Variants in BTBD9 observed in about 807,000 individuals in gnomAD.
The protein encoded by BTBD9 is BTB domain containing 9, also known as BTB/POZ domain-containing protein 9.
A neutral mutation model predicts 64.3 loss-of-function variants in BTBD9; 49 were observed. The observed-to-expected ratio is 0.76, with a 90% CI of 0.61 to 0.97. The LOEUF (loss-of-function observed/expected upper bound fraction) is 0.97. BTBD9 is among the 50% of genes least tolerant of loss of function. The pLI, the probability that BTBD9 is intolerant of heterozygous loss-of-function variation, is 0.00. For synonymous variants in BTBD9, 260 were observed against 274.7 expected, an observed-to-expected ratio of 0.95 and a Z score of 0.53; for missense variants, 598 against 762.1, an observed-to-expected ratio of 0.78 and a Z score of 2.53.
At chr6:38,222,201 A>T (rs1204310422) in intron 9 of BTBD9, among the ~76,000 whole-genome samples, 1 of 151,712 alleles carries the variant, frequency 6.6e-6, no homozygotes, top group Admixed American at 6.6e-5. Flanking sequence ...TCAAATATAA[A>T]AATCATATAG....
chr6:38,439,110 C>CTTTTTTTTTTT lies in BTBD9; in HGVS notation c.1155-94028_1155-94018dup, dbSNP rs35699356. Among the ~76,000 whole-genome samples, 52 of 64,050 alleles carry CTTTTTTTTTTT rather than the reference C, an allele frequency of 8.1e-4. 1 individual carries two copies. Among genetic ancestry groups the CTTTTTTTTTTT allele is most frequent in the African/African-American group, 2.7e-3 (39 of 14,584 alleles). 42.0% of individuals were successfully genotyped at this position (64,050 alleles called of 152,430 possible). Reference sequence around the variant, plus strand: ...TCTTGTAGGCTCGTGTAGCAACTGACTTTTTTTTTTTTTTTTTTTTTTTTG... The same window carrying CTTTTTTTTTTT: ...TCTTGTAGGCTCGTGTAGCAACTGACTTTTTTTTTTTTTTTTTTTTTTTTTTTTTTTTTTTG... On this transcript the variant is annotated intron_variant, in intron 6 of 10. Coordinates refer to ENST00000481247, the MANE Select transcript of BTBD9 (RefSeq NM_001099272.2).
Position 38,420,218 on chromosome 6 carries a change from T to C in BTBD9, c.1155-75125A>G, listed in dbSNP as rs1456967316. On this transcript the variant is annotated intron_variant, in intron 6 of 10. Transcript: ENST00000481247. ...TGCATCATTACTATGATGACTGATA[T>C]CCAGGAACTTATCTAACTCTCTGAA... is the stretch of plus-strand genomic sequence containing the variant. Among the ~76,000 whole-genome samples, 2 of 152,206 alleles carry C rather than the reference T, an allele frequency of 1.3e-5. 1 individual carries two copies. The highest frequency in any genetic ancestry group is 6.3e-3 in the Middle Eastern group (2 of 316).
At chr6:38,627,844 G>C (rs1192744782) in intron 1 of BTBD9, among the ~76,000 whole-genome samples, 1 of 152,124 alleles carries the variant, frequency 6.6e-6, no homozygotes. Context: ...TGCAGCATGA[G>C]TATTAGCAGG....
chr6:38,275,011 T>C lies in BTBD9; in HGVS notation c.1454+13261A>G, dbSNP rs1421998054. Among the ~76,000 whole-genome samples the C allele has an allele frequency of 2.6e-5, 4 of 152,122 alleles. No homozygotes were observed. In the East Asian group the frequency reaches 7.7e-4, roughly 29 times the overall value. On this transcript the variant is annotated intron_variant, in intron 8 of 10. Coordinates refer to ENST00000481247, the MANE Select transcript of BTBD9 (RefSeq NM_001099272.2). ...GGAAAAAACTACTTTAAAGTTCATA[T>C]GGAACCAAAAAAGAGCCCGCATCGC...
chr6:38,377,841 T>A (rs1417222071), intron 6 of BTBD9, among the ~76,000 whole-genome samples: 2 of 152,206 alleles, frequency 1.3e-5, no homozygotes, highest in Non-Finnish European at 2.9e-5. Flanking sequence ...ACAGGAATTG[T>A]TATATAATCA....
intron 6 of BTBD9, among the ~76,000 whole-genome samples, chr6:38,467,578 A>G (rs1238780994): frequency 6.6e-6 from 1 of 152,182 alleles, no homozygotes; most frequent in Non-Finnish European, 1.5e-5. Context: ...CTTGTACAGC[A>G]TCAACTGAGA....
intron 6 of BTBD9, among the ~76,000 whole-genome samples, chr6:38,530,410 C>A (rs111847605): frequency 1.3e-5 from 2 of 152,038 alleles, no homozygotes; most frequent in Admixed American, 6.5e-5. Context: ...TGTTCTTACA[C>A]CCCCTCCCCT....
rs1056262333 is a variant in BTBD9, at chr6:38,314,458, A to G, written c.1265-25997T>C. Among the ~76,000 whole-genome samples the G allele has an allele frequency of 5.9e-5, 9 of 152,146 alleles. No individual in the cohort carries two copies. In the South Asian group the frequency reaches 6.2e-4, roughly 10 times the overall value. On this transcript the variant is annotated intron_variant, in intron 7 of 10. Coordinates refer to ENST00000481247, the MANE Select transcript of BTBD9 (RefSeq NM_001099272.2). ...GTCTTTGTCTGGTTTTGATAACAGA[A>G]TAACACTGACCTTGTAGAATGAGTT... is the stretch of plus-strand genomic sequence containing the variant.
intron 1 of BTBD9, among the ~76,000 whole-genome samples, chr6:38,605,903 AGAT>A (rs1433284348): frequency 6.6e-6 from 1 of 152,198 alleles, no homozygotes; most frequent in Non-Finnish European, 1.5e-5. Context: ...TTGCCAAAGA[AGAT>A]TAACATTTGA....
intron 9 of BTBD9, among the ~76,000 whole-genome samples, chr6:38,227,916 C>T (rs1047917349): frequency 2.6e-5 from 4 of 152,142 alleles, no homozygotes; most frequent in African/African-American, 9.7e-5. Flanking sequence ...AAATGAGAAA[C>T]TACGGAGGTA....
chr6:38,300,438 A>G (rs1384354932), intron 7 of BTBD9, among the ~76,000 whole-genome samples: 7 of 152,154 alleles, frequency 4.6e-5, no homozygotes, highest in Non-Finnish European at 1.0e-4. Flanking sequence ...GAATCTATAA[A>G]TTACCTTGGG....
At chr6:38,303,872 T>TATATATATAC (rs1554137156) in intron 7 of BTBD9, among the ~76,000 whole-genome samples, 3 of 106,646 alleles carry the variant, frequency 2.8e-5, no homozygotes, top group African/African-American at 1.4e-4. Flanking sequence ...TATATATATA[T>TATATATATAC]ATACACACAC....
chr6:38,319,750 T>C (rs1006694659), intron 7 of BTBD9, among the ~76,000 whole-genome samples: 3 of 151,862 alleles, frequency 2.0e-5, no homozygotes, highest in Non-Finnish European at 4.4e-5. Flanking sequence ...CTGTGCTGCC[T>C]GGGGTTGGGA....
intron 9 of BTBD9, among the ~76,000 whole-genome samples, chr6:38,256,077 A>T (rs1764568476): frequency 6.6e-6 from 1 of 151,686 alleles, no homozygotes; most frequent in South Asian, 2.1e-4. Context: ...TAAAAAAAAA[A>T]AGTAGTGTGG....
At position 38,290,596 on chromosome 6, in the gene BTBD9, C is replaced by T. The variant is rs115885451; in HGVS notation, c.1265-2135G>A. The stretch of plus-strand genomic sequence containing the variant: ...AGCCAGGAGGCTCTGCTCATTGTAT[C>T]ACTCAGGGATCCCAGTGACAGAGGC... On this transcript the variant is annotated intron_variant, in intron 7 of 10. Coordinates refer to ENST00000481247, the MANE Select transcript of BTBD9 (RefSeq NM_001099272.2). 3.2e-3 allele frequency among the ~76,000 whole-genome samples: 489 copies of T among 152,252 alleles called. 1 individual carries two copies. The highest frequency in any genetic ancestry group is 0.011 in the African/African-American group (454 of 41,544).
intron 1 of BTBD9, among the ~76,000 whole-genome samples, chr6:38,624,933 T>G (rs1705904271): frequency 6.6e-6 from 1 of 152,222 alleles, no homozygotes; most frequent in Non-Finnish European, 1.5e-5. Context: ...TTTTGTATCA[T>G]GTTGTAAGGC....
intron 6 of BTBD9, among the ~76,000 whole-genome samples, chr6:38,542,869 T>C (rs1349584355): frequency 6.6e-6 from 1 of 152,240 alleles, no homozygotes; most frequent in Non-Finnish European, 1.5e-5. Flanking sequence ...TGTTTAATAC[T>C]TTTGTACTAC....
intron 6 of BTBD9, among the ~76,000 whole-genome samples, chr6:38,461,580 G>A (rs1770088847): frequency 1.3e-5 from 2 of 152,080 alleles, no homozygotes; most frequent in South Asian, 4.1e-4. Flanking sequence ...AACATTTTGG[G>A]TTGGTTCCAG....
chr6:38,503,574 C>G (rs1371057855), intron 6 of BTBD9, among the ~76,000 whole-genome samples: 2 of 152,130 alleles, frequency 1.3e-5, no homozygotes, highest in South Asian at 2.1e-4. Flanking sequence ...CTACTACTCT[C>G]AAACCACTTC....
Sources: gnomAD v4.1 joint callset for allele counts (sites outside exome capture counted in the v4.1 genomes callset) on GRCh38, gnomAD v4.1.1 for gene constraint, MANE v1.5 for transcripts, NCBI Gene and HGNC (gene_info 2026-07-23, HGNC 2026-07-21) for gene names.